The following PCDH19 variants were observed in gnomAD, a reference collection of about 807,000 sequenced individuals.
PCDH19 encodes the protein protocadherin 19, also known as protocadherin-19.
PCDH19 carries 6 observed loss-of-function variants against 46.2 expected under a neutral mutation model. That is an observed-to-expected ratio of 0.13 (90% CI 0.07 to 0.26). The LOEUF (loss-of-function observed/expected upper bound fraction) is 0.26. PCDH19 is among the 10% of genes least tolerant of loss of function. PCDH19 has a pLI of 1.00. For synonymous variants in PCDH19, 481 were observed against 415.7 expected (o/e 1.16, Z -1.91); for missense variants, 740 against 972.3 (o/e 0.76, Z 3.18).
At chrX:100,385,657 G>A (rs1927692182) in intron 3 of PCDH19, among the ~76,000 whole-genome samples, 1 of 111,981 alleles carries the variant, frequency 8.9e-6, no homozygotes, top group Admixed American at 9.4e-5. Context: ...CACTTTGGGA[G>A]GCCGAGGCAG....
At chrX:100,379,304 TACAC>T (rs200896147) in intron 3 of PCDH19, among the ~76,000 whole-genome samples, 132 of 41,600 alleles carry the variant, frequency 3.2e-3, no homozygotes, top group African/African-American at 0.011. Context: ...ATCTGTCACA[TACAC>T]ACACACACAC....
chrX:100,308,235 G>T (rs1001923200), intron 5 of PCDH19, among the ~76,000 whole-genome samples: 6 of 109,968 alleles, frequency 5.5e-5, no homozygotes, highest in African/African-American at 2.0e-4. Context: ...AGGAATAAAG[G>T]TAAATACAGC....
intron 3 of PCDH19, among the ~76,000 whole-genome samples, chrX:100,366,944 C>A (rs1927082980): frequency 8.9e-6 from 1 of 112,423 alleles, no homozygotes; most frequent in Admixed American, 9.4e-5. Flanking sequence ...GAAAAGCCAT[C>A]AGCCCCGGAT....
At chrX:100,362,022 A>G (rs1475676476) in intron 3 of PCDH19, among the ~76,000 whole-genome samples, 2 of 111,695 alleles carry the variant, frequency 1.8e-5, no homozygotes, top group Non-Finnish European at 3.8e-5. Context: ...AGCAGCAAAA[A>G]TCAGGACCAA....
At position 100,341,929 on chromosome X, in the gene PCDH19, G is replaced by A. The variant is rs1926260849; in HGVS notation, c.2822C>T (p.Ser941Phe). The A allele has an allele frequency of 8.3e-7, 1 of 1,208,921 alleles. No homozygotes were observed. The highest frequency in any genetic ancestry group is 2.2e-5 in the Admixed American group (1 of 45,731). ...VNDVLNTSVT[S>F]MGSQMPDHDQ... ...ATGATCAGGCATCTGAGATCCCATG[G>A]AGGTCACACTGGTGTTCAGCACATC... Residue 941 changes from serine to phenylalanine, a missense_variant, in exon 5 of 6, where the codon TCC becomes TTC. This residue lies in a region of PCDH19 where 416 missense variants were observed against 476.8 expected (regional missense o/e 0.87). Coordinates refer to ENST00000373034, the MANE Select transcript of PCDH19 (RefSeq NM_001184880.2).
intron 3 of PCDH19, among the ~76,000 whole-genome samples, chrX:100,391,927 A>T (rs1927875401): frequency 8.9e-6 from 1 of 112,290 alleles, no homozygotes. Context: ...GTCCTGATAG[A>T]GTTTGCTAGG....
rs113656893 is a variant in PCDH19, at chrX:100,316,780, GA to G, written c.2849-19906del. ...TATTCATTATTTAAACAAATCTCAA[GA>G]AAACAAAACTGAGTCCAAATATTAG... On this transcript the variant is annotated intron_variant, in intron 5 of 5. Transcript: ENST00000373034. Among the ~76,000 whole-genome samples, 761 of 111,924 alleles carry G rather than the reference GA, an allele frequency of 6.8e-3. 4 individuals carry two copies. Among genetic ancestry groups the G allele is most frequent in the African/African-American group, 0.023 (712 of 30,830 alleles).
At chrX:100,301,581 A>C (rs1231816293) in intron 5 of PCDH19, among the ~76,000 whole-genome samples, 1 of 112,080 alleles carries the variant, frequency 8.9e-6, no homozygotes, top group Admixed American at 9.4e-5. Flanking sequence ...AGCTTCCTGA[A>C]TTGTACTCTT....
intron 5 of PCDH19, among the ~76,000 whole-genome samples, chrX:100,298,996 T>C (rs766006201): frequency 3.6e-5 from 4 of 111,600 alleles, no homozygotes; most frequent in African/African-American, 9.8e-5. Context: ...TTCCAAATAA[T>C]ACCTCTAAAA....
intron 5 of PCDH19, among the ~76,000 whole-genome samples, chrX:100,306,963 C>G (rs758066561): frequency 8.9e-6 from 1 of 111,799 alleles, no homozygotes; most frequent in Non-Finnish European, 1.9e-5. Flanking sequence ...TGAATTTCAT[C>G]AGATATTCAA....
intron 3 of PCDH19, among the ~76,000 whole-genome samples, chrX:100,393,734 G>A (rs1927937037): frequency 8.9e-6 from 1 of 112,098 alleles, no homozygotes; most frequent in Non-Finnish European, 1.9e-5. Context: ...CAGTGAGGGA[G>A]AGCAGCTTGC....
At chrX:100,401,711 G>C in intron 3 of PCDH19, among the ~76,000 whole-genome samples, 1 of 105,305 alleles carries the variant, frequency 9.5e-6, no homozygotes. Context: ...AAGAAACAGA[G>C]CTCACTCAAA....
intron 3 of PCDH19, among the ~76,000 whole-genome samples, chrX:100,359,399 C>G (rs1454101950): frequency 8.9e-6 from 1 of 112,008 alleles, no homozygotes; most frequent in Non-Finnish European, 1.9e-5. Flanking sequence ...CTCACAGAGC[C>G]CAAGGGATCC....
intron 4 of PCDH19, among the ~76,000 whole-genome samples, chrX:100,342,499 C>T (rs1242903590): frequency 8.9e-6 from 1 of 111,819 alleles, no homozygotes; most frequent in African/African-American, 3.3e-5. Context: ...GAAATCATCA[C>T]AACTCTGTAA....
In PCDH19 at chrX:100,404,639, G is replaced by A. The variant is rs1397518852; in HGVS notation, c.2148-975C>T. On this transcript the variant is annotated intron_variant, in intron 1 of 5. Coordinates refer to ENST00000373034, the MANE Select transcript of PCDH19 (RefSeq NM_001184880.2). ...TTTTTTTTTTTTTCAATATTCAGAT[G>A]CTCTCCTCCTGTTTAATCATCTCCT... Among the ~76,000 whole-genome samples, 4 of 103,008 alleles carry A rather than the reference G, an allele frequency of 3.9e-5. No individual in the cohort carries two copies. In the Admixed American group the frequency reaches 4.3e-4, roughly 11 times the overall value. 89.5% of individuals were successfully genotyped at this position (103,008 alleles called of 115,157 possible).
intron 3 of PCDH19, among the ~76,000 whole-genome samples, chrX:100,354,920 T>C (rs182948671): frequency 9.0e-6 from 1 of 110,697 alleles, no homozygotes; most frequent in African/African-American, 3.3e-5. Context: ...AACATTTGCT[T>C]TGGAAAAACC....
At chrX:100,384,452 T>C (rs1004238892) in intron 3 of PCDH19, among the ~76,000 whole-genome samples, 2 of 110,994 alleles carry the variant, frequency 1.8e-5, no homozygotes, top group African/African-American at 3.3e-5. Flanking sequence ...TCCCAACAGG[T>C]CTCCATTCTA....
Position 100,407,222 on chromosome X carries a change from T to C in PCDH19, c.1376A>G (p.Gln459Arg). The change falls in exon 1 of 6, where the codon CAG (glutamine) becomes CGG (arginine). Residue 459 changes from glutamine (Q) to arginine (R), a missense_variant. Around this residue, in one of 5 missense-constraint regions of PCDH19, gnomAD observed 186 missense variants for 319.9 expected, o/e 0.58. Coordinates refer to ENST00000373034, the MANE Select transcript of PCDH19 (RefSeq NM_001184880.2). ...CGTGTTGTTCTCCTGCACAATGACC[T>C]GGTAGTAGGGCTTGGAAAAGTGCGG... Reference protein sequence around the residue: ...NHPHFSKPYYQVIVQENNTPG... With the variant: ...NHPHFSKPYYRVIVQENNTPG... 8.3e-7 allele frequency: 1 copy of C among 1,211,390 alleles called. No homozygotes were observed. The highest frequency in any genetic ancestry group is 1.1e-6 in the Non-Finnish European group (1 of 895,415).
At chrX:100,400,049 T>C (rs1172595213) in intron 3 of PCDH19, among the ~76,000 whole-genome samples, 1 of 111,670 alleles carries the variant, frequency 9.0e-6, no homozygotes, top group Non-Finnish European at 1.9e-5. Context: ...GTGCCTTGAA[T>C]TGATTGCCTA....
Sources: gnomAD v4.1 joint callset for allele counts (sites outside exome capture counted in the v4.1 genomes callset) on GRCh38, gnomAD v4.1.1 for gene constraint, gnomAD v4.1.1 regional missense constraint, MANE v1.5 for transcripts, NCBI Gene and HGNC (gene_info 2026-07-23, HGNC 2026-07-21) for gene names.